Variants in CNTLN observed in about 807,000 individuals in gnomAD.
CNTLN encodes the protein centlein, centrosomal protein.
In CNTLN, 212 loss-of-function variants were observed where a neutral mutation model predicts 180.0. The observed-to-expected ratio is 1.18, with a 90% CI of 1.05 to 1.32. CNTLN has a LOEUF of 1.32. Ranked by LOEUF, CNTLN falls within the 40% of genes most tolerant of loss-of-function variation. CNTLN has a pLI of 0.00. For synonymous variants in CNTLN, 722 were observed against 563.1 expected (o/e 1.28, Z -3.99); for missense variants, 2,095 against 1,610.9 (o/e 1.30, Z -5.14).
intron 16 of CNTLN, among the ~76,000 whole-genome samples, chr9:17,411,733 G>A (rs1358305183): frequency 1.3e-5 from 2 of 152,106 alleles, no homozygotes; most frequent in East Asian, 1.9e-4. Flanking sequence ...AGAATCTAAT[G>A]CCTGATGATC....
chr9:17,362,352 G>T (rs996511778), intron 12 of CNTLN, among the ~76,000 whole-genome samples: 16 of 152,234 alleles, frequency 1.1e-4, no homozygotes, highest in African/African-American at 3.9e-4. Context: ...GTGTATGTGT[G>T]TGCATGTGTA....
the CNTLN span, among the ~76,000 whole-genome samples, chr9:17,512,241 A>C: frequency 6.6e-6 from 1 of 152,216 alleles, no homozygotes; most frequent in African/African-American, 2.4e-5. Flanking sequence ...TTCAAAGCCA[A>C]AGTAGAATAA....
At chr9:17,147,781 C>T (rs1206946448) in intron 2 of CNTLN, among the ~76,000 whole-genome samples, 1 of 151,820 alleles carries the variant, frequency 6.6e-6, no homozygotes, top group Non-Finnish European at 1.5e-5. Context: ...TGTATTTAAC[C>T]ACTGTAATTT....
intron 5 of CNTLN, among the ~76,000 whole-genome samples, chr9:17,260,610 C>T (rs1826891018): frequency 1.3e-5 from 2 of 151,098 alleles, no homozygotes; most frequent in African/African-American, 2.5e-5. Context: ...AAATTTTCTC[C>T]CATTCTGTAT....
In CNTLN at chr9:17,484,582, G is replaced by C. The variant is rs1471606078; in HGVS notation, c.4041+102G>C. 8 of 919,948 alleles carry C rather than the reference G, an allele frequency of 8.7e-6. No homozygotes were observed. The African/African-American group carries it at 8.7e-5, about 10-fold the overall frequency. The allele number at this position is 919,948 out of a possible 1,614,324, so 57.0% of individuals were successfully genotyped here. On this transcript the variant is annotated intron_variant, in intron 24 of 25. Coordinates refer to ENST00000380647, the MANE Select transcript of CNTLN (RefSeq NM_017738.4). ...ACCTCTTAGAATTTCATCTTTAAGA[G>C]AGTGTTAATGATGGTAAGATGGTTA...
At chr9:17,231,123 T>C (rs191123359) in intron 3 of CNTLN, among the ~76,000 whole-genome samples, 5 of 152,236 alleles carry the variant, frequency 3.3e-5, no homozygotes, top group African/African-American at 1.2e-4. Context: ...TTTTTTCTTA[T>C]TGTGTAAATG....
At chr9:17,376,026 C>G (rs968776436) in intron 13 of CNTLN, among the ~76,000 whole-genome samples, 1 of 152,058 alleles carries the variant, frequency 6.6e-6, no homozygotes, top group Non-Finnish European at 1.5e-5. Context: ...GGCTTTTGTC[C>G]CAGTTACTGT....
intron 2 of CNTLN, among the ~76,000 whole-genome samples, chr9:17,188,697 GTA>G: frequency 6.6e-6 from 1 of 152,106 alleles, no homozygotes; most frequent in South Asian, 2.1e-4. Context: ...ATCCCTTCTA[GTA>G]TATGTTTCAT....
chr9:17,366,672 G>A lies in CNTLN; in HGVS notation c.1942G>A (p.Ala648Thr), dbSNP rs765342320. The A allele has an allele frequency of 5.0e-6, 8 of 1,588,058 alleles. No individual in the cohort carries two copies. The East Asian group carries it at 1.6e-4, about 32-fold the overall frequency. Residue 648 changes from alanine to threonine, a missense_variant, in exon 13 of 26, where the codon GCA (alanine) becomes ACA (threonine). Coordinates refer to ENST00000380647, the MANE Select transcript of CNTLN (RefSeq NM_017738.4). ...TAAAGTACATATATCTATTGATAAG[G>A]CAGCAATACAAGAATTGAATAGATG... ...ELKVHISIDK[A>T]AIQELNRCVA...
intron 3 of CNTLN, among the ~76,000 whole-genome samples, chr9:17,235,456 T>C (rs1025010345): frequency 1.1e-4 from 16 of 152,190 alleles, no homozygotes; most frequent in African/African-American, 3.1e-4. Flanking sequence ...TATGTGTTCT[T>C]CAACATAAAT....
At chr9:17,272,116 T>C (rs532544835) in intron 5 of CNTLN, among the ~76,000 whole-genome samples, 219 of 136,252 alleles carry the variant, frequency 1.6e-3, no homozygotes, top group African/African-American at 5.4e-3. Flanking sequence ...CTCCCTCCCT[T>C]CCTTCCTTTC....
Position 17,495,847 on chromosome 9 carries a change from C to T in CNTLN, c.4120-6704C>T, listed in dbSNP as rs116373701. Among the ~76,000 whole-genome samples the T allele has an allele frequency of 7.7e-3, 1,177 of 152,204 alleles. 20 individuals are homozygous for T. The highest frequency in any genetic ancestry group is 0.026 in the African/African-American group (1,078 of 41,534). ...AGTCTTCTATACCATATTTTTACTACGCCTTTCCTATGTTTAGGTATACTA... is the reference window on the plus strand; with the variant it reads ...AGTCTTCTATACCATATTTTTACTATGCCTTTCCTATGTTTAGGTATACTA... On this transcript the variant is annotated intron_variant, in intron 25 of 25. Coordinates refer to ENST00000380647, the MANE Select transcript of CNTLN (RefSeq NM_017738.4).
chr9:17,285,435 T>G (rs1828925003), intron 6 of CNTLN, among the ~76,000 whole-genome samples: 1 of 149,052 alleles, frequency 6.7e-6, no homozygotes. Flanking sequence ...TCCAAGTCTT[T>G]GCTGTTGTGA....
the CNTLN span, among the ~76,000 whole-genome samples, chr9:17,518,088 G>A: frequency 7.7e-6 from 1 of 129,906 alleles, no homozygotes; most frequent in South Asian, 2.5e-4. Context: ...TGTCACCCAG[G>A]CTGGAGCACA....
In CNTLN at chr9:17,332,749, C is replaced by A. The variant is rs765194602; in HGVS notation, c.1644+19C>A. The A allele has an allele frequency of 6.4e-7, 1 of 1,563,772 alleles. No individual in the cohort carries two copies. The highest frequency in any genetic ancestry group is 2.0e-5 in the Admixed American group (1 of 49,474). ...ACTAAAGGTGAACATTAAATCATTT[C>A]TTTAGTAGTAACCTTGCAAAGATAA... On this transcript the variant is annotated intron_variant, in intron 10 of 25. Transcript: ENST00000380647.
intron 12 of CNTLN, among the ~76,000 whole-genome samples, chr9:17,354,523 C>A (rs754651320): frequency 1.2e-4 from 19 of 152,112 alleles, no homozygotes; most frequent in Non-Finnish European, 2.6e-4. Context: ...GTGTTTAGCT[C>A]AAGGTTTGTG....
At chr9:17,506,044 G>C (rs149232111), downstream of CNTLN, among the ~76,000 whole-genome samples, 1,428 of 150,528 alleles carry the variant, frequency 9.5e-3, 8 homozygotes, top group Non-Finnish European at 0.014. Context: ...TCACCTTTTT[G>C]ACAAATGGTC....
chr9:17,468,727 G>A (rs1831891997), intron 23 of CNTLN, among the ~76,000 whole-genome samples: 1 of 151,544 alleles, frequency 6.6e-6, no homozygotes, highest in South Asian at 2.1e-4. Flanking sequence ...ATAAGGTAAT[G>A]GGTATATTTC....
chr9:17,135,485 A>C, intron 1 of CNTLN, 60 bp downstream of exon 1: 1 of 1,525,158 alleles, frequency 6.6e-7, no homozygotes, highest in Non-Finnish European at 8.8e-7. Context: ...ACCCGTGGGG[A>C]GGCGCGCCTT....
Sources: gnomAD v4.1 joint callset for allele counts (sites outside exome capture counted in the v4.1 genomes callset) on GRCh38, gnomAD v4.1.1 for gene constraint, MANE v1.5 for transcripts, NCBI Gene and HGNC (gene_info 2026-07-23, HGNC 2026-07-21) for gene names.